SELENOS: variants seen among roughly 807,000 people sequenced by gnomAD.
SELENOS encodes VCP interacting membrane selenoprotein.
A neutral mutation model predicts 30.2 loss-of-function variants in SELENOS; 37 were observed. The observed-to-expected ratio is 1.23, with a 90% CI of 0.94 to 1.61. The LOEUF (loss-of-function observed/expected upper bound fraction) is 1.61, where lower values mean the gene tolerates loss of function less well. SELENOS is among the 40% of genes most tolerant of loss of function. The pLI is 0.00. For synonymous variants in SELENOS, 119 were observed against 91.6 expected, an observed-to-expected ratio of 1.30 and a Z score of -1.71; for missense variants, 289 against 231.8, an observed-to-expected ratio of 1.25 and a Z score of -1.60.
Position 101,276,591 on chromosome 15 carries a change from C to A in SELENOS, c.161G>T (p.Arg54Leu), listed in dbSNP as rs376209946. Reference protein sequence around the residue: ...LYVVFQKLSARLRALRQRQLD... With the variant: ...LYVVFQKLSALLRALRQRQLD... Reference sequence around the variant, plus strand: ...CTGCCTCTGCCTCAAGGCTCTTAGCCGGGCGGAAAGCTTCTGAAAGACCAC... The same window carrying A: ...CTGCCTCTGCCTCAAGGCTCTTAGCAGGGCGGAAAGCTTCTGAAAGACCAC... The change falls in exon 2 of 6, where the codon CGG becomes CTG. Residue 54 changes from arginine (R) to leucine (L), a missense_variant. Physicochemically the swap from Arg to Leu is moderately radical, Grantham distance 102 (BLOSUM62 -2). Coordinates refer to ENST00000526049, the MANE Select transcript of SELENOS (RefSeq NM_018445.6). 22 of 1,613,640 alleles carry A rather than the reference C, an allele frequency of 1.4e-5. No individual in the cohort carries two copies. Among genetic ancestry groups the A allele is most frequent in the Non-Finnish European group, 1.8e-5 (21 of 1,179,836 alleles).
downstream of SELENOS, chr15:101,271,626 G>A (rs2039268793): frequency 6.6e-6 from 1 of 152,208 alleles, no homozygotes; most frequent in Admixed American, 6.5e-5. Context: ...TGGTCAAGAA[G>A]CAACCACGGA....
rs2039275109 is a variant in SELENOS at position 101,272,210 on chromosome 15, A to ATT, written c.*559_*560dup. The stretch of plus-strand genomic sequence containing the variant: ...TAGTTAGAGGTTGTAATAAAAAGCT[A>ATT]TTTAATGTTTGATAGACAAATTGAA... On this transcript the variant is annotated 3_prime_UTR_variant, in exon 6 of 6. Coordinates refer to ENST00000526049, the MANE Select transcript of SELENOS (RefSeq NM_018445.6). 1 of 152,268 alleles carries ATT rather than the reference A, an allele frequency of 6.6e-6. No homozygotes were observed. The highest frequency in any genetic ancestry group is 2.4e-5 in the African/African-American group (1 of 41,474). The allele number at this position is 152,268 out of a possible 1,614,324, so 9.4% of individuals were successfully genotyped here.
rs566315346 is a variant in SELENOS at position 101,275,223 on chromosome 15, A to G, written c.318+32T>C. On this transcript the variant is annotated intron_variant, in intron 3 of 5. Coordinates refer to ENST00000526049, the MANE Select transcript of SELENOS (RefSeq NM_018445.6). ...AGCCACTAAACCTCAGACAATTTCT[A>G]TGCACACATTCAAACTGAAACCAGT... 4.4e-5 allele frequency: 66 copies of G among 1,509,782 alleles called. No individual in the cohort carries two copies. In the Middle Eastern group the frequency reaches 5.1e-4, roughly 12 times the overall value. The allele number at this position is 1,509,782 out of a possible 1,614,324, so 93.5% of individuals were successfully genotyped here.
intron 1 of SELENOS, chr15:101,277,000 G>A (rs570857511): frequency 3.7e-6 from 2 of 537,510 alleles, no homozygotes; most frequent in South Asian, 2.1e-5. Flanking sequence ...AGAAAGGGGT[G>A]ACAGCGCGGG....
chr15:101,276,424 TTTTTA>T, intron 2 of SELENOS, 112 bp downstream of exon 2: 5 of 1,339,280 alleles, frequency 3.7e-6, no homozygotes, highest in Non-Finnish European at 4.9e-6. Flanking sequence ...ATTTTTTTTT[TTTTTA>T]AATAGAGACA....
rs1596465570 is a variant in SELENOS, at chr15:101,274,790, A to G, written c.319-109T>C. 50 of 1,159,332 alleles carry G rather than the reference A, an allele frequency of 4.3e-5. 1 individual carries two copies. In the East Asian group the frequency reaches 1.2e-3, roughly 29 times the overall value. The allele number at this position is 1,159,332 out of a possible 1,614,324, so 71.8% of individuals were successfully genotyped here. On this transcript the variant is annotated intron_variant, in intron 3 of 5. Coordinates refer to ENST00000526049, the MANE Select transcript of SELENOS (RefSeq NM_018445.6). Reference sequence around the variant, plus strand: ...TTAAATGTCTTTCAGAACAAACTTCACCCTCGTTTTCTTTAGTTAATAAAA... The same window carrying G: ...TTAAATGTCTTTCAGAACAAACTTCGCCCTCGTTTTCTTTAGTTAATAAAA...
intron 5 of SELENOS, among the ~76,000 whole-genome samples, chr15:101,273,597 C>T (rs2141296598): frequency 6.6e-6 from 1 of 152,314 alleles, no homozygotes; most frequent in South Asian, 2.1e-4. Context: ...CTCTATGTGT[C>T]TAAAAATAAG....
intron 1 of SELENOS, chr15:101,277,033 T>A: frequency 3.4e-6 from 2 of 582,572 alleles, no homozygotes; most frequent in Non-Finnish European, 6.2e-6. Flanking sequence ...TGTATGGGGC[T>A]GTGTGGGACG....
chr15:101,272,864 G>A lies in SELENOS; in HGVS notation c.485-8C>T, dbSNP rs368089021. ...CAGACAACGGGTTATAACCTGGGAG[G>A]ACAGAAAAGCAGCACAACAGTATTG... On this transcript the variant is annotated splice_polypyrimidine_tract_variant and splice_region_variant and intron_variant, in intron 5 of 5. Coordinates refer to ENST00000526049, the MANE Select transcript of SELENOS (RefSeq NM_018445.6). 5.0e-6 allele frequency: 8 copies of A among 1,600,872 alleles called. No homozygotes were observed. Among genetic ancestry groups the A allele is most frequent in the African/African-American group, 2.7e-5 (2 of 74,690 alleles).
Position 101,276,746 on chromosome 15 carries a change from AAC to A in SELENOS, c.77-73_77-72del, listed in dbSNP as rs1596466630. ...GTTGACCTTTCCATAAGACTCAACA[AAC>A]ACAAAGTGTAACTCCTGCCCTCAAA... On this transcript the variant is annotated intron_variant, in intron 1 of 5. Transcript: ENST00000526049. 3.8e-5 allele frequency: 58 copies of A among 1,545,172 alleles called. No homozygotes were observed. The East Asian group carries it at 1.3e-3, about 34-fold the overall frequency.
In SELENOS at chr15:101,272,730, G is replaced by C. The variant is rs779973061; in HGVS notation, c.*41C>G. Reference sequence around the variant, plus strand: ...TAAGGCAATTGAATCGAGGGTTAAGGGTTCATCTTGCTAATGTCAAAAGTG... The same window carrying C: ...TAAGGCAATTGAATCGAGGGTTAAGCGTTCATCTTGCTAATGTCAAAAGTG... On this transcript the variant is annotated 3_prime_UTR_variant, in exon 6 of 6. Coordinates refer to ENST00000526049, the MANE Select transcript of SELENOS (RefSeq NM_018445.6). 1.5e-5 allele frequency: 24 copies of C among 1,560,492 alleles called. No individual in the cohort carries two copies. Among genetic ancestry groups the C allele is most frequent in the Admixed American group, 7.5e-5 (4 of 53,118 alleles).
At chr15:101,273,380 C>T (rs2039290981) in intron 5 of SELENOS, among the ~76,000 whole-genome samples, 1 of 152,148 alleles carries the variant, frequency 6.6e-6, no homozygotes, top group Non-Finnish European at 1.5e-5. Context: ...GGTTCTAGGG[C>T]CACCCAGAAC....
In SELENOS at chr15:101,274,374, T is replaced by C. The variant is rs80107590; in HGVS notation, c.484+46A>G. Reference sequence around the variant, plus strand: ...TTGTTCCTAAAAGGTAACTATATCCTGTAAGTGTTGAAAATCTGTTAACAT... The same window carrying C: ...TTGTTCCTAAAAGGTAACTATATCCCGTAAGTGTTGAAAATCTGTTAACAT... On this transcript the variant is annotated intron_variant, in intron 5 of 5. Transcript: ENST00000526049. The C allele has an allele frequency of 2.8e-3, 4,309 of 1,554,668 alleles. 190 individuals are homozygous for C. In the East Asian group the frequency reaches 0.08, roughly 29 times the overall value.
intron 2 of SELENOS, among the ~76,000 whole-genome samples, chr15:101,276,222 C>T (rs1476895394): frequency 1.3e-5 from 2 of 150,972 alleles, no homozygotes; most frequent in East Asian, 1.9e-4. Flanking sequence ...CGCGCCCCAC[C>T]GAGAACCATA....
At chr15:101,273,120 C>T (rs371570442) in intron 5 of SELENOS, among the ~76,000 whole-genome samples, 3 of 152,046 alleles carry the variant, frequency 2.0e-5, no homozygotes, top group East Asian at 1.9e-4. Flanking sequence ...AAAAGGGTCA[C>T]CAAAAAACTC....
In SELENOS at chr15:101,272,814, C is replaced by T. The variant is rs780727815; in HGVS notation, c.527G>A (p.Trp176Ter). Reference protein sequence around the residue: ...LSGEGGGACSWRPGRRGPSSG... With the variant: ...LSGEGGGACS ...TGACGGGCCTCTGCGTCCAGGTCTCCAGGAGCAAGCTCCGCCTCCTTCACC... is the reference window on the plus strand; with the variant it reads ...TGACGGGCCTCTGCGTCCAGGTCTCTAGGAGCAAGCTCCGCCTCCTTCACC... The change falls in exon 6 of 6, where the codon TGG becomes TAG. Residue 176 changes from tryptophan (W) to a stop codon, truncating the protein, a stop_gained. Coordinates refer to ENST00000526049, the MANE Select transcript of SELENOS (RefSeq NM_018445.6). LOFTEE classifies it high-confidence loss of function. 2.5e-6 allele frequency: 4 copies of T among 1,610,578 alleles called. No individual in the cohort carries two copies. Among genetic ancestry groups the T allele is most frequent in the East Asian group, 2.2e-5 (1 of 44,796 alleles).
chr15:101,273,145 G>C (rs1051372360), intron 5 of SELENOS, among the ~76,000 whole-genome samples: 1 of 152,126 alleles, frequency 6.6e-6, no homozygotes, highest in African/African-American at 2.4e-5. Context: ...AAGAGGGCCT[G>C]ATTTAAGTAT....
intron 3 of SELENOS, 93 bp downstream of exon 3, chr15:101,275,162 T>C: frequency 2.7e-6 from 3 of 1,115,608 alleles, no homozygotes; most frequent in Non-Finnish European, 3.8e-6. Flanking sequence ...GACCTGGTCC[T>C]AGAAGCTTAT....
intron 5 of SELENOS, among the ~76,000 whole-genome samples, chr15:101,273,141 G>A (rs2039288340): frequency 6.6e-6 from 1 of 152,080 alleles, no homozygotes; most frequent in Admixed American, 6.5e-5. Flanking sequence ...TCTCAAGAGG[G>A]CCTGATTTAA....
Sources: allele counts gnomAD v4.1 joint callset (sites outside exome capture counted in the v4.1 genomes callset), GRCh38; gene constraint gnomAD v4.1.1; transcripts MANE v1.5; gene names NCBI Gene and HGNC (gene_info 2026-07-23, HGNC 2026-07-21).